Variants in PANK1 observed in about 807,000 individuals in gnomAD.
The protein encoded by PANK1 is pantothenic acid kinase 1.
PANK1 carries 18 observed loss-of-function variants against 40.1 expected under a neutral mutation model. The observed-to-expected ratio is 0.45, with a 90% CI of 0.31 to 0.67. The LOEUF (loss-of-function observed/expected upper bound fraction) is 0.67. Ranked by LOEUF, PANK1 falls within the 30% of genes least tolerant of loss-of-function variation. The pLI is 0.06. For missense variants in PANK1, 457 were observed against 599.6 expected, an observed-to-expected ratio of 0.76 and a Z score of 2.48; for synonymous variants, 242 against 237.7, an observed-to-expected ratio of 1.02 and a Z score of -0.17.
At chr10:89,631,456 G>A (rs1238224420) in intron 1 of PANK1, among the ~76,000 whole-genome samples, 1 of 152,212 alleles carries the variant, frequency 6.6e-6, no homozygotes, top group East Asian at 1.9e-4. Context: ...CCTGAATCCA[G>A]CAACTCCAGA....
rs1844451775 is a variant in PANK1, at chr10:89,593,123, T to C, written c.1200+74A>G. On this transcript the variant is annotated intron_variant, in intron 5 of 6. Coordinates refer to ENST00000307534, the MANE Select transcript of PANK1 (RefSeq NM_148977.3). ...CTAAGGATATGTAGTTGTGTAAGAGTCAACAGGTGTTGCACTGCCAAGATG... is the reference window on the plus strand; with the variant it reads ...CTAAGGATATGTAGTTGTGTAAGAGCCAACAGGTGTTGCACTGCCAAGATG... 2.8e-6 allele frequency: 4 copies of C among 1,437,332 alleles called. No homozygotes were observed. In the Admixed American group the frequency reaches 6.9e-5, roughly 25 times the overall value. 89.0% of individuals were successfully genotyped at this position (1,437,332 alleles called of 1,614,324 possible). A position where few individuals can be genotyped will look rare whatever the true frequency, so the allele number is the denominator to read the frequency against.
At position 89,599,566 on chromosome 10, in the gene PANK1, C is replaced by A. The variant is rs1040379134; in HGVS notation, c.646-61G>T. On this transcript the variant is annotated intron_variant, in intron 2 of 6. Transcript: ENST00000307534. ...AGATAGGCGACCATCTAAGGGGAAGCCCCAGAGGTTTTATTTAAGATGGGG... is the reference window on the plus strand; with the variant it reads ...AGATAGGCGACCATCTAAGGGGAAGACCCAGAGGTTTTATTTAAGATGGGG... 9 of 1,507,270 alleles carry A rather than the reference C, an allele frequency of 6.0e-6. No individual in the cohort carries two copies. The Admixed American group carries it at 6.1e-5, about 10-fold the overall frequency. The allele number at this position is 1,507,270 out of a possible 1,614,324, so 93.4% of individuals were successfully genotyped here.
Position 89,588,705 on chromosome 10 carries a change from C to CAT in PANK1, c.1271_1272dup (p.Ala425MetfsTer11), listed in dbSNP as rs1844278277. On this transcript the variant is annotated frameshift_variant, in exon 6 of 7. Transcript: ENST00000307534. LOFTEE classifies it high-confidence loss of function. ...TGTCCTTTGGACCAAAAATCCATGG[C>CAT]ATATGCCAGCAGCTTCATGGAGACC... 1 of 1,606,136 alleles carries CAT rather than the reference C, an allele frequency of 6.2e-7. No homozygotes were observed. Among genetic ancestry groups the CAT allele is most frequent in the African/African-American group, 1.3e-5 (1 of 74,664 alleles).
chr10:89,594,132 G>T, intron 3 of PANK1, 143 bp from the exon 4 acceptor site: 1 of 593,926 alleles, frequency 1.7e-6, no homozygotes. Flanking sequence ...GGGTGCAACA[G>T]AGCTTTAGGG....
chr10:89,602,999 C>T (rs1844832260), intron 2 of PANK1, among the ~76,000 whole-genome samples: 1 of 152,024 alleles, frequency 6.6e-6, no homozygotes, highest in Non-Finnish European at 1.5e-5. Flanking sequence ...TCCCATATTA[C>T]CAATTTTATC....
At chr10:89,623,322 C>T (rs1414511348) in intron 1 of PANK1, among the ~76,000 whole-genome samples, 6 of 152,082 alleles carry the variant, frequency 3.9e-5, no homozygotes, top group East Asian at 3.9e-4. Context: ...CCTGGGTTAA[C>T]GCCATTCTCC....
chr10:89,617,411 T>A, intron 1 of PANK1, among the ~76,000 whole-genome samples: 1 of 152,204 alleles, frequency 6.6e-6, no homozygotes, highest in East Asian at 1.9e-4. Flanking sequence ...AGTCTAATGT[T>A]AGTAGCATGT....
At chr10:89,613,444 G>A (rs1212810676) in intron 1 of PANK1, among the ~76,000 whole-genome samples, 1 of 152,168 alleles carries the variant, frequency 6.6e-6, no homozygotes, top group Non-Finnish European at 1.5e-5. Context: ...CAATTCAGGA[G>A]GGCTGAGGGA....
chr10:89,610,674 C>G (rs573866943), intron 2 of PANK1, among the ~76,000 whole-genome samples: 2 of 152,300 alleles, frequency 1.3e-5, no homozygotes, highest in South Asian at 4.1e-4. Context: ...GACTTTATAG[C>G]AAGACTGGAT....
Position 89,644,384 on chromosome 10 carries a change from T to C in PANK1, c.292+216A>G, listed in dbSNP as rs1842051420. On this transcript the variant is annotated intron_variant, in intron 1 of 6. Transcript: ENST00000307534. ...TCGTGTCCAATCCTCGTTCTACTGA[T>C]AGAAGCGAGCAAAGGGCAGGCTCAG... Among the ~76,000 whole-genome samples, 3 of 152,158 alleles carry C rather than the reference T, an allele frequency of 2.0e-5. No homozygotes were observed. In the South Asian group the frequency reaches 6.2e-4, roughly 32 times the overall value.
chr10:89,601,076 T>C (rs1405467868), intron 2 of PANK1, among the ~76,000 whole-genome samples: 1 of 152,064 alleles, frequency 6.6e-6, no homozygotes, highest in East Asian at 1.9e-4. Context: ...TTCTCGTGTC[T>C]TCATTGTCAT....
chr10:89,645,064 C>T lies in PANK1; in HGVS notation c.-173G>A. On this transcript the variant is annotated 5_prime_UTR_variant, in exon 1 of 7. Transcript: ENST00000307534. ...CTCCTCCCCTCCTCCTGCCGACTCC[C>T]CCACCTCCTCTGCGCCCTGCCCCCC... The T allele has an allele frequency of 6.4e-7, 1 of 1,556,578 alleles. No homozygotes were observed. Among genetic ancestry groups the T allele is most frequent in the Non-Finnish European group, 8.6e-7 (1 of 1,156,802 alleles).
intron 1 of PANK1, among the ~76,000 whole-genome samples, chr10:89,620,073 T>C (rs1589799808): frequency 9.1e-6 from 1 of 110,346 alleles, no homozygotes. Context: ...TTCCTATGCG[T>C]CTTTAATCTC....
chr10:89,640,404 CACACACACACAA>C, intron 1 of PANK1, among the ~76,000 whole-genome samples: 1 of 151,918 alleles, frequency 6.6e-6, no homozygotes, highest in African/African-American at 2.4e-5. Flanking sequence ...CACACACACA[CACACACACACAA>C]ACACACACAC....
intron 1 of PANK1, among the ~76,000 whole-genome samples, chr10:89,640,524 G>A (rs1841940197): frequency 6.6e-6 from 1 of 152,156 alleles, no homozygotes; most frequent in Non-Finnish European, 1.5e-5. Context: ...GGTCTACTTA[G>A]AAATTCTGTA....
At chr10:89,604,195 G>A (rs964983374) in intron 2 of PANK1, among the ~76,000 whole-genome samples, 1 of 152,046 alleles carries the variant, frequency 6.6e-6, no homozygotes, top group Non-Finnish European at 1.5e-5. Flanking sequence ...TTGTTCAAAG[G>A]GTAGGTAATT....
intron 1 of PANK1, chr10:89,643,673 T>C: frequency 6.4e-7 from 1 of 1,553,626 alleles, no homozygotes; most frequent in Non-Finnish European, 8.9e-7. Flanking sequence ...AATGCAGTCA[T>C]TTATTAGCAT....
At chr10:89,595,833 AATATATATATATATATAT>A (rs369831755) in intron 3 of PANK1, among the ~76,000 whole-genome samples, 2 of 33,778 alleles carry the variant, frequency 5.9e-5, no homozygotes, top group African/African-American at 3.3e-4. Flanking sequence ...AAAAAAAAAA[AATATATATATATATATAT>A]ATATATATAT....
intron 1 of PANK1, among the ~76,000 whole-genome samples, chr10:89,640,446 G>T (rs1402803246): frequency 6.6e-6 from 1 of 151,568 alleles, no homozygotes; most frequent in East Asian, 1.9e-4. Flanking sequence ...ACAACTCTAG[G>T]CATTTAAAAG....
Sources: allele counts gnomAD v4.1 joint callset (sites outside exome capture counted in the v4.1 genomes callset), GRCh38; gene constraint gnomAD v4.1.1; transcripts MANE v1.5; gene names NCBI Gene and HGNC (gene_info 2026-07-23, HGNC 2026-07-21).